RYR3: variants seen among roughly 807,000 people sequenced by gnomAD.
RYR3 encodes brain ryanodine receptor-calcium release channel.
Under a neutral mutation model 584.3 loss-of-function variants are expected in RYR3, and 207 were observed. The observed-to-expected ratio is 0.35, with a 90% CI of 0.32 to 0.40. The LOEUF (loss-of-function observed/expected upper bound fraction) is 0.40, where lower values mean the gene tolerates loss of function less well. Ranked by LOEUF, RYR3 falls within the 10% of genes least tolerant of loss-of-function variation. The pLI, the probability that RYR3 is intolerant of heterozygous loss-of-function variation, is 1.00. For synonymous variants in RYR3, 2,416 were observed against 2,248.5 expected, an observed-to-expected ratio of 1.07 and a Z score of -2.11; for missense variants, 5,616 against 6,089.2, an observed-to-expected ratio of 0.92 and a Z score of 2.59.
intron 85 of RYR3, among the ~76,000 whole-genome samples, chr15:33,830,051 C>T (rs1020285627): frequency 6.6e-6 from 1 of 152,140 alleles, no homozygotes; most frequent in African/African-American, 2.4e-5. Flanking sequence ...TGAAGATGCT[C>T]TAAACATTGT....
intron 1 of RYR3, among the ~76,000 whole-genome samples, chr15:33,436,709 T>G (rs2045761662): frequency 6.6e-6 from 1 of 152,056 alleles, no homozygotes; most frequent in Non-Finnish European, 1.5e-5. Flanking sequence ...TTTCACCATC[T>G]TGGCCAGGCT....
intron 2 of RYR3, among the ~76,000 whole-genome samples, chr15:33,490,721 C>T (rs1176862782): frequency 7.2e-6 from 1 of 139,362 alleles, no homozygotes; most frequent in East Asian, 2.1e-4. Flanking sequence ...TTCAAGTAAA[C>T]AGCTAAAGAG....
chr15:33,574,260 C>T (rs1226538165), intron 12 of RYR3, among the ~76,000 whole-genome samples: 2 of 152,122 alleles, frequency 1.3e-5, no homozygotes, highest in Admixed American at 1.3e-4. Context: ...TCTTGACCAC[C>T]CTCGGTGTTT....
chr15:33,393,489 C>A (rs548512165), intron 1 of RYR3, among the ~76,000 whole-genome samples: 7 of 152,026 alleles, frequency 4.6e-5, no homozygotes, highest in Non-Finnish European at 1.0e-4. Context: ...GAGAAAGACT[C>A]ATATTAAAAA....
intron 3 of RYR3, among the ~76,000 whole-genome samples, chr15:33,516,154 A>C (rs1252178835): frequency 6.6e-6 from 1 of 152,180 alleles, no homozygotes; most frequent in Admixed American, 6.5e-5. Context: ...TGTATCTTAC[A>C]AAACATGCCA....
chr15:33,570,491 G>A (rs910501512), intron 12 of RYR3, among the ~76,000 whole-genome samples: 7 of 152,014 alleles, frequency 4.6e-5, no homozygotes, highest in Non-Finnish European at 1.0e-4. Flanking sequence ...TGCCTTTATA[G>A]TAAGTATTGA....
chr15:33,557,077 G>C (rs1447052599), intron 10 of RYR3, among the ~76,000 whole-genome samples: 1 of 152,124 alleles, frequency 6.6e-6, no homozygotes, highest in African/African-American at 2.4e-5. Flanking sequence ...CAGATATTCT[G>C]TTCAAGTGAA....
At position 33,854,890 on chromosome 15, in the gene RYR3, C is replaced by G; in HGVS notation, c.13985C>G (p.Ser4662Cys). ...AAGACACTGAGGACCATTCTGTCAT[C>G]TGTAACTCACAATGGCAAACAGGTA... ...GFKTLRTILSSVTHNGKQLVL... is the reference protein window; with the variant it reads ...GFKTLRTILSCVTHNGKQLVL... Residue 4662 changes from serine (S) to cysteine (C), a missense_variant, in exon 98 of 104, where the codon TCT becomes TGT. Physicochemically the swap from Ser to Cys is moderately radical, Grantham distance 112. Around this residue, in one of 9 missense-constraint regions of RYR3, gnomAD observed 918 missense variants for 887.4 expected, o/e 1.03. Transcript: ENST00000634891. The G allele has an allele frequency of 6.2e-7, 1 of 1,611,936 alleles. No individual in the cohort carries two copies.
Position 33,819,782 on chromosome 15 carries a change from C to T in RYR3, c.10733C>T (p.Thr3578Ile). 1 of 1,585,242 alleles carries T rather than the reference C, an allele frequency of 6.3e-7. No homozygotes were observed. Residue 3578 changes from threonine to isoleucine, a missense_variant, in exon 77 of 104, where the codon ACC (threonine) becomes ATC (isoleucine). Physicochemically the swap from Thr to Ile is moderately conservative, Grantham distance 89. Transcript: ENST00000634891. ...AAATTGGAAGACGACCCTTTGTACA[C>T]CTCCTATTCCAGCATGATGGCCAAG... ...RSKLEDDPLY[T>I]SYSSMMAKSC...
chr15:33,793,933 T>TAC (rs1454443381), intron 67 of RYR3, among the ~76,000 whole-genome samples: 1 of 145,320 alleles, frequency 6.9e-6, no homozygotes, highest in Non-Finnish European at 1.5e-5. Context: ...TCTATATATA[T>TAC]ACATATATAA....
intron 75 of RYR3, among the ~76,000 whole-genome samples, chr15:33,818,304 C>T (rs1032470747): frequency 1.3e-5 from 2 of 152,078 alleles, no homozygotes; most frequent in East Asian, 1.9e-4. Context: ...TTATGGGCAG[C>T]CTTTTGCTTT....
At chr15:33,585,453 CA>C (rs952211683) in intron 15 of RYR3, among the ~76,000 whole-genome samples, 7 of 151,332 alleles carry the variant, frequency 4.6e-5, no homozygotes, top group African/African-American at 1.7e-4. Flanking sequence ...TCCAGTGTGC[CA>C]AAAAAAAGGG....
rs917151083 is a variant in RYR3 at position 33,572,926 on chromosome 15, A to C, written c.1268+6127A>C. 6.6e-5 allele frequency among the ~76,000 whole-genome samples: 10 copies of C among 152,190 alleles called. 1 individual carries two copies. Among genetic ancestry groups the C allele is most frequent in the Admixed American group, 2.0e-4 (3 of 15,280 alleles). On this transcript the variant is annotated intron_variant, in intron 12 of 103. Transcript: ENST00000634891. ...GAGGTGGAGGTTGCAGTGAGCCAAG[A>C]TCGTGCCGTTGCACTCCAACCTGGG...
intron 2 of RYR3, among the ~76,000 whole-genome samples, chr15:33,503,292 T>C (rs2052166187): frequency 6.6e-6 from 1 of 152,204 alleles, no homozygotes; most frequent in Admixed American, 6.5e-5. Flanking sequence ...TGGCTTTCTT[T>C]CTCTGGTCTC....
intron 93 of RYR3, among the ~76,000 whole-genome samples, chr15:33,845,339 GCCTC>G (rs1356893257): frequency 2.0e-5 from 3 of 152,100 alleles, no homozygotes; most frequent in Admixed American, 2.0e-4. Context: ...TGCAACCTCC[GCCTC>G]CCAGGTTCAA....
intron 1 of RYR3, among the ~76,000 whole-genome samples, chr15:33,430,634 T>A (rs1454237090): frequency 6.6e-6 from 1 of 152,200 alleles, no homozygotes; most frequent in Non-Finnish European, 1.5e-5. Context: ...GCGATGTGGG[T>A]TTCTGAAAAA....
chr15:33,626,863 T>C (rs1022486298), intron 20 of RYR3, among the ~76,000 whole-genome samples: 2 of 152,100 alleles, frequency 1.3e-5, no homozygotes, highest in Non-Finnish European at 2.9e-5. Context: ...TACCTAGATT[T>C]CAGAGGATGT....
intron 3 of RYR3, among the ~76,000 whole-genome samples, chr15:33,507,159 T>G (rs1470297052): frequency 6.6e-6 from 1 of 152,242 alleles, no homozygotes; most frequent in Admixed American, 6.5e-5. Flanking sequence ...TTTTTAAAAA[T>G]GACTTCAGCT....
intron 19 of RYR3, among the ~76,000 whole-genome samples, chr15:33,623,030 A>G (rs1449633946): frequency 6.6e-6 from 1 of 152,200 alleles, no homozygotes; most frequent in Non-Finnish European, 1.5e-5. Context: ...TATTACTGTG[A>G]GACCTTTAGT....
Sources: gnomAD v4.1 joint callset for allele counts (sites outside exome capture counted in the v4.1 genomes callset) on GRCh38, gnomAD v4.1.1 for gene constraint, gnomAD v4.1.1 regional missense constraint, MANE v1.5 for transcripts, NCBI Gene and HGNC (gene_info 2026-07-23, HGNC 2026-07-21) for gene names.